Variants in UBE3D observed in about 807,000 individuals in gnomAD.
UBE3D encodes the protein ubiquitin protein ligase E3D, also known as E3 ubiquitin-protein ligase E3D.
Under a neutral mutation model 49.6 loss-of-function variants are expected in UBE3D, and 48 were observed. The observed-to-expected ratio is 0.97, with a 90% CI of 0.77 to 1.23. The LOEUF (loss-of-function observed/expected upper bound fraction) is 1.23, where lower values mean the gene tolerates loss of function less well. Ranked by LOEUF, UBE3D falls within the 50% of genes most tolerant of loss-of-function variation. The pLI is 0.00. For synonymous variants in UBE3D, 189 were observed against 174.2 expected (o/e 1.08, Z -0.67); for missense variants, 452 against 468.4 (o/e 0.96, Z 0.32).
intron 9 of UBE3D, among the ~76,000 whole-genome samples, chr6:82,937,506 A>G (rs1774670231): frequency 6.6e-6 from 1 of 152,198 alleles, no homozygotes; most frequent in Non-Finnish European, 1.5e-5. Context: ...CACTTGACTG[A>G]ACACAGCCAT....
chr6:83,011,231 T>C (rs1341070861), intron 8 of UBE3D, among the ~76,000 whole-genome samples: 1 of 152,204 alleles, frequency 6.6e-6, no homozygotes, highest in Non-Finnish European at 1.5e-5. Context: ...TACAAGTGTA[T>C]ACATGCACAA....
the UBE3D span, among the ~76,000 whole-genome samples, chr6:82,885,100 T>G: frequency 3.9e-5 from 6 of 151,992 alleles, no homozygotes; most frequent in East Asian, 1.2e-3. Context: ...TGACTGGAGA[T>G]GGAAAACTAT....
intron 2 of UBE3D, among the ~76,000 whole-genome samples, chr6:83,057,089 A>G (rs1231059288): frequency 6.6e-6 from 1 of 152,242 alleles, no homozygotes; most frequent in African/African-American, 2.4e-5. Flanking sequence ...AGGCATAGTA[A>G]AAGTTAAAAT....
intron 9 of UBE3D, among the ~76,000 whole-genome samples, chr6:82,918,231 C>A (rs964601622): frequency 2.6e-5 from 4 of 151,230 alleles, no homozygotes; most frequent in African/African-American, 9.7e-5. Flanking sequence ...AAGAAAAATT[C>A]TCATTTACCC....
intron 9 of UBE3D, among the ~76,000 whole-genome samples, chr6:82,955,223 C>G (rs899028683): frequency 6.6e-6 from 1 of 152,240 alleles, no homozygotes; most frequent in East Asian, 1.9e-4. Context: ...GATTGGTCTT[C>G]CTCCCAAACC....
At chr6:82,930,110 T>G (rs1460073268) in intron 9 of UBE3D, among the ~76,000 whole-genome samples, 3 of 152,102 alleles carry the variant, frequency 2.0e-5, no homozygotes, top group Non-Finnish European at 2.9e-5. Flanking sequence ...GATAGTGAGT[T>G]TTCATGAAAT....
intron 9 of UBE3D, among the ~76,000 whole-genome samples, chr6:82,933,969 T>C (rs1774363320): frequency 6.6e-6 from 1 of 152,188 alleles, no homozygotes; most frequent in Admixed American, 6.5e-5. Flanking sequence ...ATGAGTGATA[T>C]GGTCTGGCTC....
At chr6:82,984,699 A>G (rs1778340104) in intron 8 of UBE3D, among the ~76,000 whole-genome samples, 1 of 152,034 alleles carries the variant, frequency 6.6e-6, no homozygotes, top group South Asian at 2.1e-4. Flanking sequence ...GTATCTGTGA[A>G]TATTTCTACT....
In UBE3D at chr6:82,903,011, C is replaced by T. The variant is rs141931135; in HGVS notation, c.1150-9969G>A. Among the ~76,000 whole-genome samples, 492 of 150,526 alleles carry T rather than the reference C, an allele frequency of 3.3e-3. 5 individuals carry two copies. The highest frequency in any genetic ancestry group is 3.8e-3 in the Non-Finnish European group (253 of 67,336). ...ACTAGGGGTGTGAGTAGATCTCTGT[C>T]TCTGAGCTTCACATTCATTCCATCA... On this transcript the variant is annotated intron_variant, in intron 9 of 9. Transcript: ENST00000369747.
chr6:83,062,008 A>T (rs1301418977), intron 1 of UBE3D, among the ~76,000 whole-genome samples: 1 of 152,240 alleles, frequency 6.6e-6, no homozygotes, highest in Non-Finnish European at 1.5e-5. Context: ...CATTTGAAAT[A>T]AAAGATTGTA....
chr6:83,053,560 C>A (rs1032075830), intron 3 of UBE3D, among the ~76,000 whole-genome samples: 4 of 152,036 alleles, frequency 2.6e-5, no homozygotes, highest in Admixed American at 6.6e-5. Flanking sequence ...TGTAAAAAAA[C>A]CCAAAAACAA....
the UBE3D span, among the ~76,000 whole-genome samples, chr6:82,882,165 C>G: frequency 6.6e-6 from 1 of 152,144 alleles, no homozygotes; most frequent in Non-Finnish European, 1.5e-5. Context: ...ATTGGAAAAT[C>G]TTGCACCCTC....
At position 82,989,997 on chromosome 6, in the gene UBE3D, T is replaced by G. The variant is rs527651098; in HGVS notation, c.1010+28976A>C. 2.8e-4 allele frequency among the ~76,000 whole-genome samples: 42 copies of G among 152,308 alleles called. No homozygotes were observed. In the Middle Eastern group the frequency reaches 0.014, roughly 49 times the overall value. ...ATACATATGCATAATTTTATATCCC[T>G]TTTTATAGAGGTCACTGATACCCTG... On this transcript the variant is annotated intron_variant, in intron 8 of 9. Transcript: ENST00000369747.
chr6:82,946,373 G>GA lies in UBE3D; in HGVS notation c.1149+10938dup, dbSNP rs1231468082. Among the ~76,000 whole-genome samples the GA allele has an allele frequency of 8.1e-4, 119 of 146,958 alleles. 2 individuals carry two copies. Among genetic ancestry groups the GA allele is most frequent in the Middle Eastern group, 3.6e-3 (1 of 280 alleles). On this transcript the variant is annotated intron_variant, in intron 9 of 9. Coordinates refer to ENST00000369747, the MANE Select transcript of UBE3D (RefSeq NM_198920.3). ...GCATGACCTATTTAAAATGCTGAAG[G>GA]AAAAAAAAAAATTTACCCTAGAGTA...
At chr6:82,887,660 G>T (rs1770912949), downstream of UBE3D, among the ~76,000 whole-genome samples, 1 of 150,316 alleles carries the variant, frequency 6.7e-6, no homozygotes, top group Admixed American at 6.7e-5. Context: ...GGTGAGCGAA[G>T]ATGGCGCCAC....
chr6:82,952,861 T>C (rs746285915), intron 9 of UBE3D, among the ~76,000 whole-genome samples: 4 of 152,216 alleles, frequency 2.6e-5, no homozygotes, highest in African/African-American at 7.2e-5. Flanking sequence ...TGTTTCCTTA[T>C]CTATAAAAAT....
intron 8 of UBE3D, among the ~76,000 whole-genome samples, chr6:82,993,115 C>T (rs994727750): frequency 2.7e-5 from 4 of 146,140 alleles, no homozygotes; most frequent in South Asian, 2.2e-4. Context: ...GAAACGGGGT[C>T]GGGGGGGAGA....
chr6:82,910,052 C>T (rs1267378825), intron 9 of UBE3D, among the ~76,000 whole-genome samples: 1 of 152,198 alleles, frequency 6.6e-6, no homozygotes, highest in Non-Finnish European at 1.5e-5. Flanking sequence ...CCGAAAGCTA[C>T]TTCTTAGACT....
intron 8 of UBE3D, among the ~76,000 whole-genome samples, chr6:83,012,664 AC>A (rs1780425626): frequency 6.6e-6 from 1 of 152,218 alleles, no homozygotes; most frequent in Non-Finnish European, 1.5e-5. Flanking sequence ...GAGGTCATCC[AC>A]ATACCTCATC....
Sources: allele counts gnomAD v4.1 joint callset (sites outside exome capture counted in the v4.1 genomes callset), GRCh38; gene constraint gnomAD v4.1.1; transcripts MANE v1.5; gene names NCBI Gene and HGNC (gene_info 2026-07-23, HGNC 2026-07-21).